The following TMEM230 variants were observed in gnomAD, a reference collection of about 807,000 sequenced individuals.
The protein encoded by TMEM230 is UPF0414 transmembrane protein C20orf30.
In TMEM230, 10 loss-of-function variants were observed where a neutral mutation model predicts 15.8. That is an observed-to-expected ratio of 0.63 (90% CI 0.39 to 1.07). The LOEUF is 1.07. TMEM230 is among the 50% of genes least tolerant of loss of function. The probability of loss-of-function intolerance (pLI) is 0.01; values close to 1 mark genes in which losing one functional copy is unlikely to be tolerated. For synonymous variants in TMEM230, 67 were observed against 76.9 expected, an observed-to-expected ratio of 0.87 and a Z score of 0.68; for missense variants, 165 against 193.3, an observed-to-expected ratio of 0.85 and a Z score of 0.87.
the TMEM230 span, chr20:5,061,355 C>G: frequency 1.3e-5 from 2 of 152,152 alleles, no homozygotes; most frequent in Non-Finnish European, 2.9e-5. Context: ...CCTTGCTACT[C>G]AAAATGTAGT....
intron 3 of TMEM230, among the ~76,000 whole-genome samples, chr20:5,071,350 C>G (rs938223446): frequency 6.6e-6 from 1 of 152,036 alleles, no homozygotes; most frequent in African/African-American, 2.4e-5. Flanking sequence ...TTTGGCCGGG[C>G]ATGGTGGCTC....
chr20:5,101,243 T>C (rs1488537228), intron 4 of TMEM230, among the ~76,000 whole-genome samples: 1 of 152,210 alleles, frequency 6.6e-6, no homozygotes, highest in African/African-American at 2.4e-5. Flanking sequence ...AACCTTTTCA[T>C]ACATTTAAAC....
exon 4 of TMEM230, chr20:5,069,044 A>G: frequency 1.4e-6 from 1 of 739,418 alleles, no homozygotes; most frequent in Non-Finnish European, 2.1e-6. Flanking sequence ...CATATGGAAC[A>G]TTCCCTCCAC....
intron 3 of TMEM230, among the ~76,000 whole-genome samples, chr20:5,088,794 G>A (rs6053098): frequency 0.52 from 79,502 of 151,988 alleles, 21,364 homozygotes; most frequent in East Asian, 0.84. Context: ...TATTACAGGC[G>A]TGAGCCACCA....
In TMEM230 at chr20:5,087,253, C is replaced by A. The variant is rs565013287; in HGVS notation, c.223-17904G>T. ...GAAGACAGAGACACCATCACGGCCT[C>A]AGCTGTGTCCAGATTTCAACATGTA... On this transcript the variant is annotated intron_variant, in intron 3 of 3. Coordinates refer to the TMEM230 transcript ENST00000612323. Among the ~76,000 whole-genome samples the A allele has an allele frequency of 2.0e-5, 3 of 152,262 alleles. No homozygotes were observed. In the South Asian group the frequency reaches 6.2e-4, roughly 32 times the overall value.
intron 3 of TMEM230, among the ~76,000 whole-genome samples, chr20:5,084,748 A>C (rs1285553275): frequency 6.6e-6 from 1 of 151,956 alleles, no homozygotes; most frequent in Admixed American, 6.6e-5. Flanking sequence ...TGGCCAGGCC[A>C]GTCTCAAACT....
intron 3 of TMEM230, among the ~76,000 whole-genome samples, chr20:5,086,692 ATTTATCTT>A (rs1169194666): frequency 2.1e-5 from 3 of 143,082 alleles, no homozygotes; most frequent in South Asian, 2.4e-4. Flanking sequence ...ATAAACAATT[ATTTATCTT>A]TTTATCTTTT....
At position 5,081,864 on chromosome 20, in the gene TMEM230, C is replaced by CTTTT. The variant is rs770805896; in HGVS notation, c.223-12519_223-12516dup. On this transcript the variant is annotated intron_variant, in intron 3 of 3. Coordinates refer to the TMEM230 transcript ENST00000612323. Reference sequence around the variant, plus strand: ...CTCATGTTTGAAATTCACTGATTTTCTTTTTTTTCTTTTTTTTTTTTTTTT... The same window carrying CTTTT: ...CTCATGTTTGAAATTCACTGATTTTCTTTTTTTTTTTTCTTTTTTTTTTTTTTTT... Among the ~76,000 whole-genome samples the CTTTT allele has an allele frequency of 3.1e-4, 44 of 140,362 alleles. 3 individuals are homozygous for CTTTT. The highest frequency in any genetic ancestry group is 1.2e-3 in the African/African-American group (42 of 33,842). The allele number at this position is 140,362 out of a possible 152,430, so 92.1% of individuals were successfully genotyped here.
rs542205602 is a variant in TMEM230, at chr20:5,109,571, G to A, written c.175-126C>T. On this transcript the variant is annotated intron_variant, in intron 2 of 4. Coordinates refer to ENST00000342308, the MANE Select transcript of TMEM230 (RefSeq NM_001009923.2). ...GGGCTGCCATGTCAGACTAGCAATGGGCAATTTACACTTCACTGCTAAATT... is the reference window on the plus strand; with the variant it reads ...GGGCTGCCATGTCAGACTAGCAATGAGCAATTTACACTTCACTGCTAAATT... 3 of 712,308 alleles carry A rather than the reference G, an allele frequency of 4.2e-6. No homozygotes were observed. In the East Asian group the frequency reaches 8.3e-5, roughly 20 times the overall value. 44.1% of individuals were successfully genotyped at this position (712,308 alleles called of 1,614,324 possible). A position where few individuals can be genotyped will look rare whatever the true frequency, so the allele number is the denominator to read the frequency against.
rs569741616 is a variant in TMEM230, at chr20:5,100,922, G to T, written c.421C>A (p.Arg141=). The T allele has an allele frequency of 2.5e-6, 4 of 1,614,032 alleles. No homozygotes were observed. Among genetic ancestry groups the T allele is most frequent in the Non-Finnish European group, 3.4e-6 (4 of 1,179,948 alleles). ...CCAATGATCAGCACTGGAACGGCCC[G>T]GTCTGCCCCCTGGTGGCAGAAGGAG... The change falls in exon 5 of 5, where the codon CGG becomes AGG. Residue 141 remains arginine, a synonymous_variant. Transcript: ENST00000342308.
Position 5,106,285 on chromosome 20 carries a change from G to C in TMEM230, c.314C>G (p.Pro105Arg). 6.2e-7 allele frequency: 1 copy of C among 1,611,460 alleles called. No individual in the cohort carries two copies. Among genetic ancestry groups the C allele is most frequent in the Admixed American group, 1.7e-5 (1 of 59,234 alleles). ...AGTGGCAAGTGCGATGGCCTTATAA[G>C]GGATCTTAGGAGGGGTTTTCTTAAA... Residue 105 changes from proline to arginine, a missense_variant, in exon 4 of 5, where the codon CCT becomes CGT. By Grantham distance (103) the Pro-to-Arg change is moderately radical (BLOSUM62 -2). Transcript: ENST00000342308.
At chr20:5,104,563 C>T (rs137896831) in intron 4 of TMEM230, among the ~76,000 whole-genome samples, 1 of 152,330 alleles carries the variant, frequency 6.6e-6, no homozygotes, top group Non-Finnish European at 1.5e-5. Context: ...AAAGAGGTAT[C>T]TGCACTTCCA....
intron 3 of TMEM230, among the ~76,000 whole-genome samples, chr20:5,089,856 AAAC>A (rs1038194068): frequency 1.3e-5 from 2 of 151,622 alleles, no homozygotes; most frequent in African/African-American, 4.9e-5. Context: ...CATCTCTAGT[AAAC>A]AATACAAAAA....
chr20:5,069,547 A>C (rs1019635223), intron 3 of TMEM230, among the ~76,000 whole-genome samples: 6 of 152,106 alleles, frequency 3.9e-5, no homozygotes, highest in Non-Finnish European at 8.8e-5. Flanking sequence ...GTGAGTGACC[A>C]AGGGAAACTA....
At chr20:5,112,920 G>C (rs1021978905) in intron 1 of TMEM230, 41 bp downstream of exon 1, 56 of 1,549,212 alleles carry the variant, frequency 3.6e-5, no homozygotes, top group Non-Finnish European at 3.9e-5. Flanking sequence ...CAGAGCCCGA[G>C]AGGACGGTTC....
downstream of TMEM230, among the ~76,000 whole-genome samples, chr20:5,099,650 T>C (rs758625460): frequency 6.6e-6 from 1 of 152,128 alleles, no homozygotes; most frequent in Non-Finnish European, 1.5e-5. Context: ...ACTTGGATAT[T>C]GAGTAGACAT....
chr20:5,106,000 A>C (rs1419858528), intron 4 of TMEM230, among the ~76,000 whole-genome samples, 188 bp downstream of exon 3: 4 of 151,206 alleles, frequency 2.6e-5, no homozygotes, highest in Non-Finnish European at 5.9e-5. Flanking sequence ...CAGGGAGGTA[A>C]AGGTTGTGCC....
intron 3 of TMEM230, among the ~76,000 whole-genome samples, chr20:5,088,774 A>G (rs548181401): frequency 2.0e-5 from 3 of 152,258 alleles, no homozygotes; most frequent in Non-Finnish European, 2.9e-5. Flanking sequence ...TCAGCCTCCC[A>G]AAGTGCTGAT....
At chr20:5,076,066 G>A (rs2088983710) in intron 3 of TMEM230, among the ~76,000 whole-genome samples, 1 of 151,294 alleles carries the variant, frequency 6.6e-6, no homozygotes, top group Admixed American at 6.6e-5. Context: ...TTGAGATAGT[G>A]TCACTGCACT....
Sources: gnomAD v4.1 joint callset for allele counts (sites outside exome capture counted in the v4.1 genomes callset) on GRCh38, gnomAD v4.1.1 for gene constraint, MANE v1.5 for transcripts, NCBI Gene and HGNC (gene_info 2026-07-23, HGNC 2026-07-21) for gene names.